Variants in WWOX observed in about 807,000 individuals in gnomAD.
WWOX encodes WW domain-containing oxidoreductase.
WWOX carries 69 observed loss-of-function variants against 46.2 expected under a neutral mutation model. The ratio of observed to expected loss-of-function variants is 1.49; its 90% CI spans 1.23 to 1.82. The LOEUF is 1.82. Ranked by LOEUF, WWOX falls within the 40% of genes most tolerant of loss-of-function variation. The probability of loss-of-function intolerance (pLI) is 0.00; values close to 1 mark genes in which losing one functional copy is unlikely to be tolerated. For synonymous variants in WWOX, 359 were observed against 202.6 expected, an observed-to-expected ratio of 1.77 and a Z score of -6.56; for missense variants, 919 against 542.6, an observed-to-expected ratio of 1.69 and a Z score of -6.89.
chr16:78,860,144 C>T (rs1037556159), intron 8 of WWOX, among the ~76,000 whole-genome samples: 1 of 152,164 alleles, frequency 6.6e-6, no homozygotes, highest in Non-Finnish European at 1.5e-5. Context: ...CATCCTTATT[C>T]CATCGCCCAT....
chr16:78,102,298 A>G (rs912441093), intron 1 of WWOX, among the ~76,000 whole-genome samples: 1 of 152,146 alleles, frequency 6.6e-6, no homozygotes, highest in Non-Finnish European at 1.5e-5. Context: ...GACCCCCTGC[A>G]TGGCCTGTCC....
In WWOX at chr16:78,540,130, AATTTC is replaced by A. The variant is rs1259019098; in HGVS notation, c.1056+107379_1056+107383del. Among the ~76,000 whole-genome samples the A allele has an allele frequency of 3.3e-5, 5 of 151,542 alleles. No homozygotes were observed. In the East Asian group the frequency reaches 9.7e-4, roughly 29 times the overall value. On this transcript the variant is annotated intron_variant, in intron 8 of 8. Transcript: ENST00000566780. ...CTTTTTTTAGCTCCGATCTGTGTTC[AATTTC>A]TGCCTGAGAGAGTGATATATTCATA...
chr16:78,240,111 AG>A (rs2037588722), intron 5 of WWOX, among the ~76,000 whole-genome samples: 1 of 152,118 alleles, frequency 6.6e-6, no homozygotes, highest in South Asian at 2.1e-4. Flanking sequence ...AGATGTAATT[AG>A]CTAAGAATCT....
At chr16:78,629,072 A>G (rs935261895) in intron 8 of WWOX, among the ~76,000 whole-genome samples, 7 of 152,200 alleles carry the variant, frequency 4.6e-5, no homozygotes, top group Non-Finnish European at 1.0e-4. Flanking sequence ...TATTGTGCTT[A>G]CATATTTCAA....
chr16:78,685,711 T>G (rs556481218), intron 8 of WWOX, among the ~76,000 whole-genome samples: 1 of 152,318 alleles, frequency 6.6e-6, no homozygotes, highest in Admixed American at 6.5e-5. Flanking sequence ...CCTCCCTCTT[T>G]GAAATTATTC....
intron 4 of WWOX, among the ~76,000 whole-genome samples, chr16:78,127,988 T>G (rs1474373641): frequency 6.6e-6 from 1 of 152,228 alleles, no homozygotes; most frequent in African/African-American, 2.4e-5. Context: ...ACATACTGTT[T>G]TGTACAGATC....
intron 8 of WWOX, among the ~76,000 whole-genome samples, chr16:78,717,986 A>T (rs1011829081): frequency 6.4e-5 from 5 of 77,630 alleles, no homozygotes; most frequent in African/African-American, 4.5e-4. Flanking sequence ...CTAAATGATA[A>T]ATGTTAATAA....
At chr16:78,137,048 A>C (rs1290611702) in intron 4 of WWOX, among the ~76,000 whole-genome samples, 11 of 152,172 alleles carry the variant, frequency 7.2e-5, no homozygotes. Flanking sequence ...CATACCATTC[A>C]CAACATAAGT....
chr16:78,610,051 G>A lies in WWOX; in HGVS notation c.1056+177299G>A, dbSNP rs2738551. Among the ~76,000 whole-genome samples, 1,112 of 150,520 alleles carry A rather than the reference G, an allele frequency of 7.4e-3. 7 individuals carry two copies. Among genetic ancestry groups the A allele is most frequent in the Middle Eastern group, 0.021 (6 of 288 alleles). ...GCGAATCCGCTGAATGTCCGATTGCGATCTCGCTGGAAAGACTGCTGCTTC... is the reference window on the plus strand; with the variant it reads ...GCGAATCCGCTGAATGTCCGATTGCAATCTCGCTGGAAAGACTGCTGCTTC... On this transcript the variant is annotated intron_variant, in intron 8 of 8. Coordinates refer to ENST00000566780, the MANE Select transcript of WWOX (RefSeq NM_016373.4).
At chr16:78,905,353 T>G (rs2151247391) in intron 8 of WWOX, among the ~76,000 whole-genome samples, 1 of 152,284 alleles carries the variant, frequency 6.6e-6, no homozygotes, top group South Asian at 2.1e-4. Flanking sequence ...GTAAATCAAG[T>G]GACTGTTGAT....
At chr16:78,183,035 C>T (rs1215654508) in intron 5 of WWOX, among the ~76,000 whole-genome samples, 1 of 151,458 alleles carries the variant, frequency 6.6e-6, no homozygotes, top group Non-Finnish European at 1.5e-5. Context: ...TTTAAATATG[C>T]ATCTATGACA....
At chr16:78,372,147 T>C (rs1214345954) in intron 5 of WWOX, among the ~76,000 whole-genome samples, 1 of 152,226 alleles carries the variant, frequency 6.6e-6, no homozygotes, top group African/African-American at 2.4e-5. Flanking sequence ...TGTGAACAGC[T>C]GGTAGTCTCC....
At chr16:78,650,548 T>C (rs2142141514) in intron 8 of WWOX, among the ~76,000 whole-genome samples, 1 of 152,346 alleles carries the variant, frequency 6.6e-6, no homozygotes, top group Non-Finnish European at 1.5e-5. Flanking sequence ...CCAGGACACC[T>C]GCCTGCAAAT....
chr16:78,697,164 C>G (rs1169420211), intron 8 of WWOX, among the ~76,000 whole-genome samples: 1 of 152,090 alleles, frequency 6.6e-6, no homozygotes. Flanking sequence ...ACTTCTTTTC[C>G]TCTGGGAAGA....
intron 8 of WWOX, among the ~76,000 whole-genome samples, chr16:78,635,309 C>T (rs1203167948): frequency 1.3e-5 from 2 of 152,090 alleles, no homozygotes; most frequent in South Asian, 4.1e-4. Context: ...ATCCATCGCC[C>T]AAAAAGCCTG....
chr16:79,036,108 C>A lies in WWOX; in HGVS notation c.1057-175500C>A, dbSNP rs1052495751. On this transcript the variant is annotated intron_variant, in intron 8 of 8. Coordinates refer to ENST00000566780, the MANE Select transcript of WWOX (RefSeq NM_016373.4). ...CTCTCTCCATTTCTCATTCACCACA[C>A]CCTGGGCTATCTTTCACTCTCTATG... Among the ~76,000 whole-genome samples, 2 of 152,214 alleles carry A rather than the reference C, an allele frequency of 1.3e-5. 1 individual carries two copies.
chr16:78,969,869 T>C lies in WWOX; in HGVS notation c.1057-241739T>C, dbSNP rs2046437257. On this transcript the variant is annotated intron_variant, in intron 8 of 8. Transcript: ENST00000566780. ...GGGGCGTGGATGGAGGCATTTGGGA[T>C]TAACAGCTAAAGATAGCAGGATTCC... 2.6e-5 allele frequency among the ~76,000 whole-genome samples: 4 copies of C among 152,066 alleles called. No individual in the cohort carries two copies. The South Asian group carries it at 8.3e-4, about 32-fold the overall frequency.
intron 6 of WWOX, among the ~76,000 whole-genome samples, chr16:78,394,499 C>G (rs969975058): frequency 6.6e-6 from 1 of 152,118 alleles, no homozygotes; most frequent in Non-Finnish European, 1.5e-5. Flanking sequence ...ATTTTGCCTT[C>G]TGAAACTTTT....
chr16:79,178,133 C>T (rs1355904583), intron 8 of WWOX, among the ~76,000 whole-genome samples: 1 of 152,156 alleles, frequency 6.6e-6, no homozygotes, highest in East Asian at 1.9e-4. Flanking sequence ...GATTCCTTTT[C>T]AACGCTTGAA....
Sources: allele counts gnomAD v4.1 joint callset (sites outside exome capture counted in the v4.1 genomes callset), GRCh38; gene constraint gnomAD v4.1.1; transcripts MANE v1.5; gene names NCBI Gene and HGNC (gene_info 2026-07-23, HGNC 2026-07-21).